The following APBB1IP variants were observed in gnomAD, a reference collection of about 807,000 sequenced individuals.
APBB1IP encodes the protein amyloid beta A4 precursor protein-binding family B member 1-interacting protein.
In APBB1IP, 27 loss-of-function variants were observed where a neutral mutation model predicts 64.9. The ratio of observed to expected loss-of-function variants is 0.42; its 90% CI spans 0.31 to 0.57. APBB1IP has a LOEUF of 0.57. Ranked by LOEUF, APBB1IP falls within the 20% of genes least tolerant of loss-of-function variation. The pLI, the probability that APBB1IP is intolerant of heterozygous loss-of-function variation, is 0.20. For synonymous variants in APBB1IP, 392 were observed against 331.0 expected, an observed-to-expected ratio of 1.18 and a Z score of -2.00; for missense variants, 812 against 845.5, an observed-to-expected ratio of 0.96 and a Z score of 0.49.
At chr10:26,505,146 A>T (rs986771076) in intron 6 of APBB1IP, among the ~76,000 whole-genome samples, 1 of 152,196 alleles carries the variant, frequency 6.6e-6, no homozygotes, top group African/African-American at 2.4e-5. Context: ...TCCTTTTCAC[A>T]TAGGGCTTTA....
At position 26,566,991 on chromosome 10, in the gene APBB1IP, G is replaced by T; in HGVS notation, c.1504G>T (p.Asp502Tyr). 1.3e-6 allele frequency: 2 copies of T among 1,579,926 alleles called. No individual in the cohort carries two copies. Among genetic ancestry groups the T allele is most frequent in the Non-Finnish European group, 1.7e-6 (2 of 1,171,962 alleles). The change falls in exon 15 of 15, where the codon GAC becomes TAC. Residue 502 changes from aspartate to tyrosine, a missense_variant. Around this residue, in one of 3 missense-constraint regions of APBB1IP, gnomAD observed 381 missense variants for 352.1 expected, o/e 1.08. Coordinates refer to ENST00000376236, the MANE Select transcript of APBB1IP (RefSeq NM_019043.4). ...DKKPALGNHH[D>Y]PAVPRAPHAP... is the part of the protein sequence containing the mutation. ...GAAGCCAGCCCTCGGGAACCACCAC[G>T]ACCCGGCAGTGCCCCGGGCCCCGCA...
At chr10:26,480,731 T>G (rs546679311) in intron 2 of APBB1IP, among the ~76,000 whole-genome samples, 1 of 146,556 alleles carries the variant, frequency 6.8e-6, no homozygotes, top group African/African-American at 2.5e-5. Context: ...CCTCCCAAAG[T>G]GCTGGGATTA....
intron 8 of APBB1IP, among the ~76,000 whole-genome samples, chr10:26,523,840 A>G (rs942203500): frequency 2.6e-5 from 4 of 152,194 alleles, no homozygotes; most frequent in African/African-American, 9.7e-5. Context: ...TCTTAAAAAA[A>G]GAAAGACCCT....
intron 6 of APBB1IP, among the ~76,000 whole-genome samples, chr10:26,510,127 G>A (rs1404191960): frequency 3.9e-5 from 6 of 152,026 alleles, no homozygotes; most frequent in East Asian, 3.9e-4. Context: ...ATGCCACCAC[G>A]CCTGGCTAAC....
chr10:26,496,313 G>T lies in APBB1IP; in HGVS notation c.82G>T (p.Val28Phe). ...GGATCTTTTTTCACAGAGTTTAGGAGTTGACACTCTCCCTCCTCCTGACCC... is the reference window on the plus strand; with the variant it reads ...GGATCTTTTTTCACAGAGTTTAGGATTTGACACTCTCCCTCCTCCTGACCC... ...EMDLLTQSLG[V>F]DTLPPPDPNP... is the part of the protein sequence containing the mutation. Residue 28 changes from valine (V) to phenylalanine (F), a missense_variant, in exon 4 of 15, where the codon GTT (valine) becomes TTT (phenylalanine). By Grantham distance (50) the Val-to-Phe change is conservative. Around this residue, in one of 3 missense-constraint regions of APBB1IP, gnomAD observed 394 missense variants for 413.1 expected, o/e 0.95. Transcript: ENST00000376236. The T allele has an allele frequency of 6.2e-7, 1 of 1,612,208 alleles. No individual in the cohort carries two copies. Among genetic ancestry groups the T allele is most frequent in the Non-Finnish European group, 8.5e-7 (1 of 1,178,666 alleles).
At chr10:26,560,914 C>CATCT in intron 13 of APBB1IP, 70 bp downstream of exon 13, 1 of 1,197,514 alleles carries the variant, frequency 8.4e-7, no homozygotes, top group South Asian at 1.5e-5. Flanking sequence ...GTATCCAATA[C>CATCT]ATCTATACAA....
At chr10:26,462,252 C>G (rs1835601967) in intron 2 of APBB1IP, among the ~76,000 whole-genome samples, 1 of 152,154 alleles carries the variant, frequency 6.6e-6, no homozygotes, top group African/African-American at 2.4e-5. Flanking sequence ...TTTTCTGGAC[C>G]TCTTATTGTT....
At chr10:26,566,198 C>A (rs1304294215) in intron 14 of APBB1IP, among the ~76,000 whole-genome samples, 1 of 152,054 alleles carries the variant, frequency 6.6e-6, no homozygotes. Flanking sequence ...GCAGGAGGAT[C>A]ACTTGAGGCT....
At chr10:26,500,777 G>A in intron 4 of APBB1IP, 42 bp from the exon 5 acceptor site, 1 of 1,544,068 alleles carries the variant, frequency 6.5e-7, no homozygotes, top group Non-Finnish European at 8.8e-7. Context: ...TTTTCCAGAT[G>A]CAAATAGGTT....
chr10:26,523,935 A>T (rs957357897), intron 8 of APBB1IP, among the ~76,000 whole-genome samples: 3 of 152,174 alleles, frequency 2.0e-5, no homozygotes, highest in Non-Finnish European at 2.9e-5. Flanking sequence ...TGTGCCTATT[A>T]TGAAATAATA....
intron 2 of APBB1IP, among the ~76,000 whole-genome samples, chr10:26,443,613 T>C (rs4749129): frequency 0.39 from 58,660 of 151,550 alleles, 11,518 homozygotes; most frequent in South Asian, 0.49. Flanking sequence ...AGGCTCACTG[T>C]AGCCTCAACC....
At chr10:26,525,214 C>T (rs1395419159) in intron 8 of APBB1IP, among the ~76,000 whole-genome samples, 2 of 151,788 alleles carry the variant, frequency 1.3e-5, no homozygotes, top group South Asian at 4.2e-4. Context: ...CCTAGAAGGT[C>T]GAGGCTGCAG....
chr10:26,567,012 C>A lies in APBB1IP; in HGVS notation c.1525C>A (p.Pro509Thr), dbSNP rs1211075216. The change falls in exon 15 of 15, where the codon CCG becomes ACG. Residue 509 changes from proline to threonine, a missense_variant. Pro to Thr is a conservative substitution (Grantham distance 38). This residue lies in a region of APBB1IP where 381 missense variants were observed against 352.1 expected (regional missense o/e 1.08). Transcript: ENST00000376236. ...CCACGACCCGGCAGTGCCCCGGGCC[C>A]CGCACGCCCCCAAGTCCAGCCTGCC... ...NHHDPAVPRAPHAPKSSLPPP... is the reference protein window; with the variant it reads ...NHHDPAVPRATHAPKSSLPPP... The A allele has an allele frequency of 6.4e-7, 1 of 1,572,996 alleles. No individual in the cohort carries two copies. The highest frequency in any genetic ancestry group is 8.6e-7 in the Non-Finnish European group (1 of 1,169,250).
chr10:26,441,307 G>A (rs576893179), intron 2 of APBB1IP, among the ~76,000 whole-genome samples: 16 of 152,268 alleles, frequency 1.1e-4, no homozygotes, highest in African/African-American at 3.8e-4. Flanking sequence ...TAATTATCGT[G>A]AGAAACATGA....
chr10:26,560,861 A>G lies in APBB1IP; in HGVS notation c.1369+17A>G. 1 of 1,557,342 alleles carries G rather than the reference A, an allele frequency of 6.4e-7. No individual in the cohort carries two copies. Among genetic ancestry groups the G allele is most frequent in the Non-Finnish European group, 8.7e-7 (1 of 1,148,446 alleles). ...CATCTACAGGTACTAAGTGGAGGAG[A>G]AATTCCAACACATATTCAAAGCTTG... On this transcript the variant is annotated intron_variant, in intron 13 of 14. Coordinates refer to ENST00000376236, the MANE Select transcript of APBB1IP (RefSeq NM_019043.4).
intron 6 of APBB1IP, chr10:26,509,481 T>C (rs1836225430): frequency 6.6e-6 from 1 of 152,190 alleles, no homozygotes; most frequent in Admixed American, 6.6e-5. Flanking sequence ...ACCCAAATGG[T>C]TACCACCACA....
chr10:26,506,481 C>T (rs1038438289), intron 6 of APBB1IP, among the ~76,000 whole-genome samples: 2 of 152,166 alleles, frequency 1.3e-5, no homozygotes, highest in Admixed American at 1.3e-4. Context: ...CTCCTGGCCT[C>T]AAGCAATCCT....
At position 26,546,811 on chromosome 10, in the gene APBB1IP, G is replaced by A. The variant is rs60264466; in HGVS notation, c.1155+5119G>A. Among the ~76,000 whole-genome samples the A allele has an allele frequency of 6.1e-3, 935 of 152,232 alleles. 18 individuals are homozygous for A. The highest frequency in any genetic ancestry group is 0.056 in the South Asian group (269 of 4,826). On this transcript the variant is annotated intron_variant, in intron 11 of 14. Transcript: ENST00000376236. ...CTATTCATCCACTGATGGGCATTTA[G>A]GTTGATTCTATATTTTAGCTATTGT...
intron 6 of APBB1IP, among the ~76,000 whole-genome samples, chr10:26,510,600 G>C (rs1240746381): frequency 6.6e-6 from 1 of 152,010 alleles, no homozygotes; most frequent in East Asian, 1.9e-4. Context: ...GCTGGGTGTG[G>C]TGGTGCACAC....
Sources: gnomAD v4.1 joint callset for allele counts (sites outside exome capture counted in the v4.1 genomes callset) on GRCh38, gnomAD v4.1.1 for gene constraint, gnomAD v4.1.1 regional missense constraint, MANE v1.5 for transcripts, NCBI Gene and HGNC (gene_info 2026-07-23, HGNC 2026-07-21) for gene names.